Variants in CTU2 observed in about 807,000 individuals in gnomAD.
CTU2 encodes the protein cytosolic thiouridylase subunit 2, also known as cytoplasmic tRNA 2-thiolation protein 2.
In CTU2, 80 loss-of-function variants were observed where a neutral mutation model predicts 64.1. The ratio of observed to expected loss-of-function variants is 1.25; its 90% confidence interval spans 1.04 to 1.50. The LOEUF (loss-of-function observed/expected upper bound fraction) is 1.50. Among genes scored for constraint, CTU2 ranks in the 40% most tolerant of loss-of-function variants. The probability of loss-of-function intolerance (pLI) is 0.00; values close to 1 mark genes in which losing one functional copy is unlikely to be tolerated. For missense variants in CTU2, 1,110 were observed against 690.2 expected (o/e 1.61, Z -6.81); for synonymous variants, 482 against 285.3 (o/e 1.69, Z -6.95).
In CTU2 at chr16:88,713,395, A is replaced by T. The variant is rs541143280; in HGVS notation, c.821A>T (p.Lys274Met). ...TGDSCTRLAIKLMTNLALGRG... is the reference protein window; with the variant it reads ...TGDSCTRLAIMLMTNLALGRG... ...GACAGCTGCACACGCTTGGCTATCAAGCTCATGACCAACCTGGCGCTGGGT... is the reference window on the plus strand; with the variant it reads ...GACAGCTGCACACGCTTGGCTATCATGCTCATGACCAACCTGGCGCTGGGT... Residue 274 changes from lysine (K) to methionine (M), a missense_variant, in exon 8 of 15, where the codon AAG (lysine) becomes ATG (methionine). Coordinates refer to ENST00000453996, the MANE Select transcript of CTU2 (RefSeq NM_001012759.3). 2 of 1,603,014 alleles carry T rather than the reference A, an allele frequency of 1.2e-6. No homozygotes were observed. The highest frequency in any genetic ancestry group is 4.5e-5 in the East Asian group (2 of 43,978).
intron 4 of CTU2, 121 bp from the exon 5 acceptor site, chr16:88,711,514 G>C (rs575499254): frequency 9.8e-7 from 1 of 1,015,446 alleles, no homozygotes; most frequent in African/African-American, 1.6e-5. Context: ...AAACGCAATG[G>C]CAGGGGAAGA....
chr16:88,714,848 C>T lies in CTU2; in HGVS notation c.1353-12C>T. On this transcript the variant is annotated splice_polypyrimidine_tract_variant and intron_variant, in intron 12 of 14. Coordinates refer to ENST00000453996, the MANE Select transcript of CTU2 (RefSeq NM_001012759.3). ...TGCCAAGGTGGGCACACAGCCAGCT[C>T]TGCTCCCGCAGGGAGGACCCCCAAG... 3.7e-6 allele frequency: 6 copies of T among 1,612,548 alleles called. No individual in the cohort carries two copies. The highest frequency in any genetic ancestry group is 3.4e-6 in the Non-Finnish European group (4 of 1,179,836).
At chr16:88,709,795 C>A in intron 2 of CTU2, 143 bp from the exon 3 acceptor site, 1 of 746,218 alleles carries the variant, frequency 1.3e-6, no homozygotes, top group Non-Finnish European at 2.3e-6. Flanking sequence ...CCCCTTTCAC[C>A]AGTCTCTGGA....
At chr16:88,711,734 T>C (rs1328340320) in intron 5 of CTU2, 39 bp downstream of exon 5, 1 of 1,576,404 alleles carries the variant, frequency 6.3e-7, no homozygotes, top group African/African-American at 1.3e-5. Flanking sequence ...CCTGGCCACT[T>C]GGGGTAAGCC....
In CTU2 at chr16:88,712,302, G is replaced by C. The variant is rs375146332; in HGVS notation, c.372G>C (p.Glu124Asp). Residue 124 changes from glutamate (E) to aspartate (D), a missense_variant, in exon 6 of 15, where the codon GAG (glutamate) becomes GAC (aspartate). Physicochemically the swap from Glu to Asp is conservative, Grantham distance 45. Coordinates refer to ENST00000453996, the MANE Select transcript of CTU2 (RefSeq NM_001012759.3). ...GAGCAGCCTGTGGCCAGAGCCTAGA[G>C]GAGAGATCAAAGACCCTGGCCGAAG... ...DEGAACGQSL[E>D]ERSKTLAEVK... The C allele has an allele frequency of 6.2e-7, 1 of 1,607,994 alleles. No individual in the cohort carries two copies. The highest frequency in any genetic ancestry group is 1.3e-5 in the African/African-American group (1 of 74,806).
In CTU2 at chr16:88,710,069, C is replaced by T. The variant is rs566299665; in HGVS notation, c.222+53C>T. ...TGAGCAGCCTGGCCCCTCGAGGTCC[C>T]TGCTTGTCCCTCCCACAGGCAGCCT... is the stretch of plus-strand genomic sequence containing the variant. On this transcript the variant is annotated intron_variant, in intron 3 of 14. Coordinates refer to ENST00000453996, the MANE Select transcript of CTU2 (RefSeq NM_001012759.3). 1.7e-5 allele frequency: 27 copies of T among 1,597,492 alleles called. No individual in the cohort carries two copies. The South Asian group carries it at 2.8e-4, about 16-fold the overall frequency.
At position 88,712,693 on chromosome 16, in the gene CTU2, G is replaced by A. The variant is rs1285872388; in HGVS notation, c.525G>A (p.Lys175=). The A allele has an allele frequency of 4.3e-6, 7 of 1,610,416 alleles. No homozygotes were observed. The Admixed American group carries it at 1.0e-4, about 23-fold the overall frequency. ...QELVGSEGAY[K]AAVDSFLQQQ... ...TGGTGGGATCCGAGGGGGCCTACAA[G>A]GCGGCCGTGGACAGCTTCCTCCAGC... is the stretch of plus-strand genomic sequence containing the variant. Residue 175 remains lysine (K), a synonymous_variant, in exon 7 of 15, where the codon AAG becomes AAA. Transcript: ENST00000453996.
chr16:88,708,174 C>T (rs189524291), intron 2 of CTU2, among the ~76,000 whole-genome samples: 244 of 152,294 alleles, frequency 1.6e-3, no homozygotes, highest in African/African-American at 5.4e-3. Context: ...ACCAGGCTGC[C>T]GGCAGAATTC....
intron 6 of CTU2, 88 bp from the exon 7 acceptor site, chr16:88,712,505 GGCACCTGCCCGTGCCCCAGCCTCACTGCC>G (rs1911412595): frequency 2.0e-6 from 3 of 1,472,728 alleles, no homozygotes; most frequent in African/African-American, 1.4e-5. Flanking sequence ...GGGGGTGGGA[GGCACCTGCCCGTGCCCCAGCCTCACTGCC>G]GTCTCCCGCA....
chr16:88,715,236 G>A lies in CTU2; in HGVS notation c.1533G>A (p.Glu511=). 1.2e-6 allele frequency: 2 copies of A among 1,612,054 alleles called. No individual in the cohort carries two copies. Among genetic ancestry groups the A allele is most frequent in the Non-Finnish European group, 8.5e-7 (1 of 1,179,882 alleles). ...RDCLIEDSDD[E]AGQS Reference sequence around the variant, plus strand: ...GTCTGATTGAGGACAGTGACGACGAGGCGGGCCAGAGCTGAGCGTGAGGAC... The same window carrying A: ...GTCTGATTGAGGACAGTGACGACGAAGCGGGCCAGAGCTGAGCGTGAGGAC... Residue 511 remains glutamate (E), a synonymous_variant, in exon 15 of 15, where the codon GAG becomes GAA. Coordinates refer to ENST00000453996, the MANE Select transcript of CTU2 (RefSeq NM_001012759.3).
chr16:88,713,581 G>C (rs1326487454), intron 8 of CTU2, 66 bp from the exon 9 acceptor site: 8 of 1,579,332 alleles, frequency 5.1e-6, no homozygotes, highest in Non-Finnish European at 6.9e-6. Context: ...TCCCCTACCT[G>C]GCAGGGGAGG....
chr16:88,708,295 C>T (rs1041244963), intron 2 of CTU2, among the ~76,000 whole-genome samples: 1 of 152,184 alleles, frequency 6.6e-6, no homozygotes, highest in African/African-American at 2.4e-5. Context: ...AGGGGAAGGC[C>T]TTAGGAATCT....
intron 2 of CTU2, 71 bp downstream of exon 2, chr16:88,707,281 G>C: frequency 7.4e-7 from 1 of 1,354,102 alleles, no homozygotes; most frequent in Non-Finnish European, 1.1e-6. Context: ...CGCAACTTGT[G>C]ATGCTTTGTT....
chr16:88,706,790 T>C (rs1597419627), intron 1 of CTU2, 192 bp downstream of exon 1: 1 of 525,742 alleles, frequency 1.9e-6, no homozygotes, highest in Non-Finnish European at 3.3e-6. Context: ...GGCTCGCGCC[T>C]CTCATCCTAG....
intron 2 of CTU2, chr16:88,709,264 A>G (rs1878071089): frequency 6.6e-6 from 1 of 152,314 alleles, no homozygotes; most frequent in Non-Finnish European, 1.5e-5. Context: ...CCTGGGTGAC[A>G]CATCGAGACC....
chr16:88,711,675 C>T lies in CTU2; in HGVS notation c.323C>T (p.Ala108Val), dbSNP rs374403561. ...QDSAKRLRFV[A>V]GVIFVDEGAA... Reference sequence around the variant, plus strand: ...TCTGCCAAAAGACTGCGCTTTGTGGCAGGAGTCATCTTTGTTGACGGTATG... The same window carrying T: ...TCTGCCAAAAGACTGCGCTTTGTGGTAGGAGTCATCTTTGTTGACGGTATG... Residue 108 changes from alanine to valine, a missense_variant, in exon 5 of 15, where the codon GCA becomes GTA. Physicochemically the swap from Ala to Val is moderately conservative, Grantham distance 64. Coordinates refer to ENST00000453996, the MANE Select transcript of CTU2 (RefSeq NM_001012759.3). The T allele has an allele frequency of 2.5e-6, 4 of 1,608,638 alleles. No individual in the cohort carries two copies. Among genetic ancestry groups the T allele is most frequent in the South Asian group, 1.1e-5 (1 of 90,050 alleles).
In CTU2 at chr16:88,709,947, C is replaced by T; in HGVS notation, c.153C>T (p.Phe51=). ...RAGDAFCRDC[F]KAFYVHKFRA... is the part of the protein sequence containing the mutation. The stretch of plus-strand genomic sequence containing the variant: ...CAGGTCTGTGTTGCAGGGACTGTTT[C>T]AAGGCCTTCTACGTCCACAAGTTCA... The change falls in exon 3 of 15, where the codon TTC becomes TTT. Residue 51 remains phenylalanine (F), a synonymous_variant. Transcript: ENST00000453996. 6.2e-7 allele frequency: 1 copy of T among 1,613,950 alleles called. No individual in the cohort carries two copies. The highest frequency in any genetic ancestry group is 8.5e-7 in the Non-Finnish European group (1 of 1,179,972).
rs1335316870 is a variant in CTU2 at position 88,712,609 on chromosome 16, C to T, written c.454-13C>T. On this transcript the variant is annotated splice_polypyrimidine_tract_variant and intron_variant, in intron 6 of 14. Coordinates refer to ENST00000453996, the MANE Select transcript of CTU2 (RefSeq NM_001012759.3). ...TGTCCCGGGCCTCACTGGCGTCTCC[C>T]TCATCCCGGAAGGTGTTCAGCCTGC... The T allele has an allele frequency of 6.2e-7, 1 of 1,607,168 alleles. No individual in the cohort carries two copies. The highest frequency in any genetic ancestry group is 8.5e-7 in the Non-Finnish European group (1 of 1,177,818).
At chr16:88,709,484 C>G (rs1393778403) in intron 2 of CTU2, 4 of 159,200 alleles carry the variant, frequency 2.5e-5, no homozygotes, top group Non-Finnish European at 4.1e-5. Flanking sequence ...GAGGTGGTGT[C>G]TCTGCATGGT....
Sources: allele counts gnomAD v4.1 joint callset (sites outside exome capture counted in the v4.1 genomes callset), GRCh38; gene constraint gnomAD v4.1.1; transcripts MANE v1.5; gene names NCBI Gene and HGNC (gene_info 2026-07-23, HGNC 2026-07-21).